The following CNTNAP3 variants were observed in gnomAD, a reference collection of about 807,000 sequenced individuals.
CNTNAP3 encodes the protein contactin-associated protein-like 3.
In CNTNAP3, 36 loss-of-function variants were observed where a neutral mutation model predicts 92.1. The ratio of observed to expected loss-of-function variants is 0.39; its 90% CI spans 0.30 to 0.52. CNTNAP3 has a LOEUF of 0.52. Ranked by LOEUF, CNTNAP3 falls within the 20% of genes least tolerant of loss-of-function variation. The pLI, the probability that CNTNAP3 is intolerant of heterozygous loss-of-function variation, is 0.76. For synonymous variants in CNTNAP3, 232 were observed against 422.3 expected (o/e 0.55, Z 5.53); for missense variants, 534 against 1,069.6 (o/e 0.50, Z 6.98).
At chr9:39,130,669 T>A (rs1345012800) in intron 13 of CNTNAP3, among the ~76,000 whole-genome samples, 1 of 152,100 alleles carries the variant, frequency 6.6e-6, no homozygotes, top group African/African-American at 2.4e-5. Context: ...CAAGCCTGGC[T>A]ACTTTTTTGT....
intron 10 of CNTNAP3, among the ~76,000 whole-genome samples, chr9:39,145,030 C>A (rs1440841123): frequency 1.4e-5 from 2 of 140,844 alleles, no homozygotes; most frequent in Admixed American, 1.4e-4. Context: ...CTAGCCAAAA[C>A]AATCTTGAAA....
At chr9:39,144,447 A>T in intron 10 of CNTNAP3, 101 bp from the exon 11 acceptor site, 1 of 1,490,156 alleles carries the variant, frequency 6.7e-7, no homozygotes, top group Non-Finnish European at 9.0e-7. Flanking sequence ...AATGTGAAAG[A>T]GCAGCATATG....
At chr9:39,131,770 G>A (rs1008555171) in intron 13 of CNTNAP3, among the ~76,000 whole-genome samples, 126 of 152,098 alleles carry the variant, frequency 8.3e-4, no homozygotes, top group African/African-American at 2.8e-3. Context: ...GGGGGTTGCA[G>A]TGAGCAAAGA....
At chr9:39,128,447 A>G (rs1821200348) in intron 13 of CNTNAP3, among the ~76,000 whole-genome samples, 1 of 151,958 alleles carries the variant, frequency 6.6e-6, no homozygotes. Flanking sequence ...CAACATATCA[A>G]CAGACAAAAG....
rs1406512818 is a variant in CNTNAP3 at position 39,099,543 on chromosome 9, A to AAT, written c.2995+366_2995+367dup. Among the ~76,000 whole-genome samples the AAT allele has an allele frequency of 1.6e-3, 237 of 152,216 alleles. 1 individual carries two copies. The highest frequency in any genetic ancestry group is 0.01 in the Middle Eastern group (3 of 294). ...CCAGCCTGGGCAACAGAGAGGCTTG[A>AAT]ATAGCAATACGTTGTCTCTAAAAAT... On this transcript the variant is annotated intron_variant, in intron 18 of 23. Transcript: ENST00000297668.
chr9:39,071,261 A>G lies in CNTNAP3; in HGVS notation c.*2629T>C, dbSNP rs1825630051. Among the ~76,000 whole-genome samples, 2 of 150,946 alleles carry G rather than the reference A, an allele frequency of 1.3e-5. No individual in the cohort carries two copies. The highest frequency in any genetic ancestry group is 2.9e-5 in the Non-Finnish European group (2 of 67,912). ...ATAGAGACACGGGGTAGAATATGTC[A>G]CGTATCAGTAGTAACTACTATCAAA... On this transcript the variant is annotated 3_prime_UTR_variant, in exon 24 of 24. Coordinates refer to ENST00000297668, the MANE Select transcript of CNTNAP3 (RefSeq NM_033655.5).
Position 39,142,633 on chromosome 9 carries a change from C to T in CNTNAP3, c.1756+1607G>A, listed in dbSNP as rs1023042184. ...CTTGCAGTGAGCTGAGATCATGCCA[C>T]TGGGCTCCAGCCTGGGCGACAGAGC... On this transcript the variant is annotated intron_variant, in intron 11 of 23. Transcript: ENST00000297668. Among the ~76,000 whole-genome samples the T allele has an allele frequency of 2.0e-4, 30 of 149,976 alleles. 1 individual carries two copies. Among genetic ancestry groups the T allele is most frequent in the African/African-American group, 7.1e-4 (29 of 40,576 alleles).
At chr9:39,126,380 A>G in intron 13 of CNTNAP3, among the ~76,000 whole-genome samples, 1 of 152,166 alleles carries the variant, frequency 6.6e-6, no homozygotes, top group Admixed American at 6.5e-5. Flanking sequence ...GGAGAAATAA[A>G]TGATACCAAT....
At chr9:39,149,109 T>A (rs968055116) in intron 10 of CNTNAP3, among the ~76,000 whole-genome samples, 8 of 152,074 alleles carry the variant, frequency 5.3e-5, no homozygotes, top group African/African-American at 1.9e-4. Flanking sequence ...TAGCAGAAAT[T>A]ACTTTTTATT....
At chr9:39,112,742 A>T (rs1247185006) in intron 14 of CNTNAP3, among the ~76,000 whole-genome samples, 1 of 152,138 alleles carries the variant, frequency 6.6e-6, no homozygotes, top group African/African-American at 2.4e-5. Flanking sequence ...CACTTAAAAA[A>T]TTTCTAGATT....
intron 11 of CNTNAP3, among the ~76,000 whole-genome samples, chr9:39,143,210 T>C (rs1821618297): frequency 6.6e-6 from 1 of 150,646 alleles, no homozygotes; most frequent in Admixed American, 6.6e-5. Flanking sequence ...ATTTTTAATA[T>C]GGCAGAGGCA....
intron 12 of CNTNAP3, among the ~76,000 whole-genome samples, chr9:39,135,372 A>C (rs1452780764): frequency 1.3e-5 from 2 of 151,906 alleles, no homozygotes; most frequent in Non-Finnish European, 1.5e-5. Flanking sequence ...TCCTGGGCTC[A>C]AGTGAATTGG....
chr9:39,097,976 T>G (rs1826364100), intron 18 of CNTNAP3, among the ~76,000 whole-genome samples: 1 of 150,326 alleles, frequency 6.7e-6, no homozygotes, highest in Admixed American at 6.6e-5. Flanking sequence ...AGTACCAGGT[T>G]TTTTATTTGA....
rs752919985 is a variant in CNTNAP3, at chr9:39,118,158, C to T, written c.2182G>A (p.Gly728Arg). Residue 728 changes from glycine (G) to arginine (R), a missense_variant, in exon 14 of 24, where the codon GGG becomes AGG. By Grantham distance (125) the Gly-to-Arg change is moderately radical. Transcript: ENST00000297668. ...TAATACTGAGAATCAATGCAGTTCC[C>T]CTCTAATCCACAAGTACACTTTTGA... ...DAQKCTCGLE[G>R]NCIDSQYYCN... The T allele has an allele frequency of 1.2e-5, 19 of 1,611,314 alleles. No individual in the cohort carries two copies. In the South Asian group the frequency reaches 1.9e-4, roughly 16 times the overall value.
At chr9:39,132,845 G>T in intron 13 of CNTNAP3, 87 bp downstream of exon 13, 1 of 1,402,642 alleles carries the variant, frequency 7.1e-7, no homozygotes, top group Non-Finnish European at 9.4e-7. Context: ...GAGGGACCCT[G>T]GCCTTTTCTC....
chr9:39,105,774 G>C (rs1758529), intron 15 of CNTNAP3, among the ~76,000 whole-genome samples: 16 of 151,776 alleles, frequency 1.1e-4, no homozygotes, highest in East Asian at 5.8e-4. Flanking sequence ...TTTAGAAGCC[G>C]AGATCTGCAG....
At chr9:39,131,631 GC>G (rs1288791997) in intron 13 of CNTNAP3, among the ~76,000 whole-genome samples, 1 of 152,082 alleles carries the variant, frequency 6.6e-6, no homozygotes, top group African/African-American at 2.4e-5. Flanking sequence ...TTCAAGAACA[GC>G]CTGACCAACA....
rs1312238750 is a variant in CNTNAP3, at chr9:39,068,310, G to A, written c.*5580C>T. ...TTGTGCCTGTAGTCCCAGCTACTCG[G>A]GAGGCTGAGGCAGGAGAATGGCATG... On this transcript the variant is annotated 3_prime_UTR_variant, in exon 24 of 24. Coordinates refer to ENST00000297668, the MANE Select transcript of CNTNAP3 (RefSeq NM_033655.5). Among the ~76,000 whole-genome samples, 17 of 152,370 alleles carry A rather than the reference G, an allele frequency of 1.1e-4. No individual in the cohort carries two copies. Among genetic ancestry groups the A allele is most frequent in the Admixed American group, 6.5e-5 (1 of 15,312 alleles).
intron 13 of CNTNAP3, among the ~76,000 whole-genome samples, chr9:39,121,601 G>A (rs1821021181): frequency 6.6e-6 from 1 of 152,160 alleles, no homozygotes; most frequent in African/African-American, 2.4e-5. Context: ...GTGGAGTCTG[G>A]TAAAAGCACT....
Sources: allele counts gnomAD v4.1 joint callset (sites outside exome capture counted in the v4.1 genomes callset), GRCh38; gene constraint gnomAD v4.1.1; transcripts MANE v1.5; gene names NCBI Gene and HGNC (gene_info 2026-07-23, HGNC 2026-07-21).